Variants in LRRC47 observed in about 807,000 individuals in gnomAD.
LRRC47 encodes the protein leucine-rich repeat-containing protein 47.
A neutral mutation model predicts 40.9 loss-of-function variants in LRRC47; 31 were observed. The ratio of observed to expected loss-of-function variants is 0.76; its 90% CI spans 0.57 to 1.02. The LOEUF (loss-of-function observed/expected upper bound fraction) is 1.02, where lower values mean the gene tolerates loss of function less well. LRRC47 is among the 50% of genes least tolerant of loss of function. The probability of loss-of-function intolerance (pLI) is 0.00; values close to 1 mark genes in which losing one functional copy is unlikely to be tolerated. For synonymous variants in LRRC47, 427 were observed against 371.9 expected (o/e 1.15, Z -1.70); for missense variants, 726 against 796.1 (o/e 0.91, Z 1.06).
At chr1:3,783,816 A>G (rs997268766) in intron 4 of LRRC47, 180 bp downstream of exon 4, 1 of 600,138 alleles carries the variant, frequency 1.7e-6, no homozygotes, top group Non-Finnish European at 3.0e-6. Flanking sequence ...GGCCATCTAG[A>G]TGACAGACTG....
rs1179876514 is a variant in LRRC47 at position 3,782,610 on chromosome 1, TACAGGGA to T, written c.1413+44_1413+50del. ...ACGCCCCGCAGACTTGTGTTAATTCTACAGGGAACAGCCTAGAAGACACACCATGTTC... is the reference window on the plus strand; with the variant it reads ...ACGCCCCGCAGACTTGTGTTAATTCTACAGCCTAGAAGACACACCATGTTC... On this transcript the variant is annotated intron_variant, in intron 5 of 6. Coordinates refer to ENST00000378251, the MANE Select transcript of LRRC47 (RefSeq NM_020710.3). The T allele has an allele frequency of 3.6e-6, 4 of 1,102,464 alleles. No homozygotes were observed. In the African/African-American group the frequency reaches 6.2e-5, roughly 17 times the overall value. The allele number at this position is 1,102,464 out of a possible 1,614,324, so 68.3% of individuals were successfully genotyped here.
intron 1 of LRRC47, among the ~76,000 whole-genome samples, chr1:3,795,261 G>A (rs576053019): frequency 6.6e-6 from 1 of 152,172 alleles, no homozygotes; most frequent in South Asian, 2.1e-4. Context: ...AAGCATTATC[G>A]CGGGGCCTGG....
In LRRC47 at chr1:3,779,471, G is replaced by A. The variant is rs1643498176; in HGVS notation, c.*1617C>T. ...TCGCGGTGGCTGGCCGTGTCCTCAT[G>A]AGCCAAGCACACTGACTCCCGGGAG... On this transcript the variant is annotated 3_prime_UTR_variant, in exon 7 of 7. Coordinates refer to ENST00000378251, the MANE Select transcript of LRRC47 (RefSeq NM_020710.3). 2 of 152,280 alleles carry A rather than the reference G, an allele frequency of 1.3e-5. No homozygotes were observed. Among genetic ancestry groups the A allele is most frequent in the South Asian group, 2.1e-4 (1 of 4,812 alleles). The allele number at this position is 152,280 out of a possible 1,614,324, so 9.4% of individuals were successfully genotyped here.
Position 3,781,495 on chromosome 1 carries a change from A to C in LRRC47, c.1503+17T>G, listed in dbSNP as rs1270225159. ...ACGCTCAAAAGCGTTTCTCAGGAGG[A>C]GCCACCCCACACTCACCAGAATGAG... is the stretch of plus-strand genomic sequence containing the variant. On this transcript the variant is annotated intron_variant, in intron 6 of 6. Coordinates refer to ENST00000378251, the MANE Select transcript of LRRC47 (RefSeq NM_020710.3). 9 of 1,611,068 alleles carry C rather than the reference A, an allele frequency of 5.6e-6. No homozygotes were observed. The South Asian group carries it at 9.9e-5, about 18-fold the overall frequency.
At chr1:3,790,389 T>C (rs763655523) in intron 1 of LRRC47, among the ~76,000 whole-genome samples, 25 of 152,218 alleles carry the variant, frequency 1.6e-4, no homozygotes, top group Non-Finnish European at 2.8e-4. Context: ...GCCCAGGGCC[T>C]GAAAGGATGT....
intron 2 of LRRC47, among the ~76,000 whole-genome samples, chr1:3,786,252 C>A (rs1054912229): frequency 3.3e-5 from 5 of 152,156 alleles, no homozygotes; most frequent in African/African-American, 1.2e-4. Flanking sequence ...AATCCCCACA[C>A]TTTGGGAGGC....
rs1162183722 is a variant in LRRC47 at position 3,796,447 on chromosome 1, C to T, written c.30G>A (p.Trp10Ter). Residue 10 changes from tryptophan (W) to a stop codon, truncating the protein, a stop_gained, in exon 1 of 7, where the codon TGG becomes TGA. Transcript: ENST00000378251. LOFTEE classifies it high-confidence loss of function. MAAAAVSES[W>*]PELELAERER... The stretch of plus-strand genomic sequence containing the variant: ...CGCGCTCAGCCAGCTCCAGCTCCGG[C>T]CAAGACTCTGACACCGCTGCCGCCG... 3 of 1,523,360 alleles carry T rather than the reference C, an allele frequency of 2.0e-6. No individual in the cohort carries two copies. The highest frequency in any genetic ancestry group is 2.6e-6 in the Non-Finnish European group (3 of 1,143,732). The allele number at this position is 1,523,360 out of a possible 1,614,324, so 94.4% of individuals were successfully genotyped here. A position where few individuals can be genotyped will look rare whatever the true frequency, so the allele number is the denominator to read the frequency against.
rs2124610547 is a variant in LRRC47, at chr1:3,785,078, C to T, written c.1194+9G>A. On this transcript the variant is annotated intron_variant, in intron 3 of 6. Coordinates refer to ENST00000378251, the MANE Select transcript of LRRC47 (RefSeq NM_020710.3). ...TCTTCAGCAGACCCTGCAAAGGAGG[C>T]TGCAGCACCTTGAGGTCCTGTGGGG... is the stretch of plus-strand genomic sequence containing the variant. The T allele has an allele frequency of 1.9e-6, 3 of 1,586,490 alleles. No homozygotes were observed. The highest frequency in any genetic ancestry group is 4.7e-5 in the East Asian group (2 of 42,486).
chr1:3,791,145 C>T (rs951074343), intron 1 of LRRC47, among the ~76,000 whole-genome samples: 27 of 152,038 alleles, frequency 1.8e-4, no homozygotes, highest in African/African-American at 6.0e-4. Flanking sequence ...CCTGAGCCCA[C>T]GCCAGCTGAG....
chr1:3,793,766 A>G (rs895502152), intron 1 of LRRC47, among the ~76,000 whole-genome samples: 1 of 152,138 alleles, frequency 6.6e-6, no homozygotes, highest in Non-Finnish European at 1.5e-5. Flanking sequence ...GTGACTCAGT[A>G]AGCAGGACCG....
chr1:3,782,658 T>C lies in LRRC47; in HGVS notation c.1413+3A>G, dbSNP rs1439341854. On this transcript the variant is annotated splice_donor_region_variant and intron_variant, in intron 5 of 6. Transcript: ENST00000378251. Reference sequence around the variant, plus strand: ...CACCATGTTCACACACATGCCACCCTACCTTTGTCTTCTCACTGTTGGTTA... The same window carrying C: ...CACCATGTTCACACACATGCCACCCCACCTTTGTCTTCTCACTGTTGGTTA... 1.9e-6 allele frequency: 3 copies of C among 1,543,292 alleles called. No homozygotes were observed. The highest frequency in any genetic ancestry group is 2.2e-5 in the East Asian group (1 of 44,574).
Position 3,796,191 on chromosome 1 carries a change from C to A in LRRC47, c.286G>T (p.Gly96Trp). The A allele has an allele frequency of 7.0e-7, 1 of 1,436,338 alleles. No individual in the cohort carries two copies. The highest frequency in any genetic ancestry group is 9.1e-7 in the Non-Finnish European group (1 of 1,101,114). 89.0% of individuals were successfully genotyped at this position (1,436,338 alleles called of 1,614,324 possible). A position where few individuals can be genotyped will look rare whatever the true frequency, so the allele number is the denominator to read the frequency against. Residue 96 changes from glycine (G) to tryptophan (W), a missense_variant, in exon 1 of 7, where the codon GGG becomes TGG. Gly to Trp is a radical substitution (Grantham distance 184, BLOSUM62 -2). Transcript: ENST00000378251. ...AGCACCCGAAGGGCAGGCAGCGGCC[C>A]GAGCTCGGGGCTCAGGCCGGGCCCC... ...ALGPGLSPEL[G>W]PLPALRVLDL...
chr1:3,791,639 A>G (rs2124614316), intron 1 of LRRC47, among the ~76,000 whole-genome samples: 1 of 152,272 alleles, frequency 6.6e-6, no homozygotes, highest in Admixed American at 6.5e-5. Flanking sequence ...TATTTTTAGT[A>G]GAGACGGGGT....
intron 1 of LRRC47, among the ~76,000 whole-genome samples, chr1:3,791,585 T>C (rs1017083503): frequency 2.6e-5 from 4 of 152,156 alleles, no homozygotes; most frequent in Admixed American, 2.6e-4. Context: ...GCTTCCCGAG[T>C]AGCTGGGATT....
At chr1:3,794,372 GT>G in intron 1 of LRRC47, among the ~76,000 whole-genome samples, 1 of 151,542 alleles carries the variant, frequency 6.6e-6, no homozygotes, top group Non-Finnish European at 1.5e-5. Flanking sequence ...CAGTGGGTTT[GT>G]TTTTTTTGCC....
chr1:3,787,134 A>G lies in LRRC47; in HGVS notation c.792T>C (p.Gly264=), dbSNP rs41307854. ...ILEYLRVGGR[G]GGKGKGRAEG... is the part of the protein sequence containing the mutation. ...CGGCACGGCCCTTGCCCTTCCCGCCACCACGGCCTCCGACGCGCAGGTACT... is the reference window on the plus strand; with the variant it reads ...CGGCACGGCCCTTGCCCTTCCCGCCGCCACGGCCTCCGACGCGCAGGTACT... The change falls in exon 2 of 7, where the codon GGT becomes GGC. Residue 264 remains glycine (G), a synonymous_variant. Transcript: ENST00000378251. 0.026 allele frequency: 41,727 copies of G among 1,613,318 alleles called. 1,248 individuals carry two copies. Among genetic ancestry groups the G allele is most frequent in the South Asian group, 0.13 (11,896 of 91,040 alleles).
chr1:3,781,324 T>C lies in LRRC47; in HGVS notation c.1516A>G (p.Met506Val). 6.2e-7 allele frequency: 1 copy of C among 1,611,620 alleles called. No individual in the cohort carries two copies. The change falls in exon 7 of 7, where the codon ATG becomes GTG. Residue 506 changes from methionine to valine, a missense_variant. Met to Val is a conservative substitution (Grantham distance 21). Transcript: ENST00000378251. ...MDALILKMAE[M>V]KKYTLENKEE... ...TTATTTTCTAAAGTGTACTTTTTCATTTCTGCCATTTTCTGCAAATAAAAA... is the reference window on the plus strand; with the variant it reads ...TTATTTTCTAAAGTGTACTTTTTCACTTCTGCCATTTTCTGCAAATAAAAA...
chr1:3,784,406 A>G (rs772584767), intron 3 of LRRC47, among the ~76,000 whole-genome samples: 5 of 152,196 alleles, frequency 3.3e-5, no homozygotes, highest in Admixed American at 1.3e-4. Context: ...CAGAAGGCCA[A>G]AAGAGGAGAG....
rs759113226 is a variant in LRRC47, at chr1:3,785,150, G to A, written c.1131C>T (p.Thr377=). ...CEKRTAATLA[T]HELRAVKGPL... is the part of the protein sequence containing the mutation. Reference sequence around the variant, plus strand: ...GCCCTTTGACGGCACGGAGCTCGTGGGTGGCAAGGGTGGCAGCCGTCCTCT... The same window carrying A: ...GCCCTTTGACGGCACGGAGCTCGTGAGTGGCAAGGGTGGCAGCCGTCCTCT... The change falls in exon 3 of 7, where the codon ACC becomes ACT. Residue 377 remains threonine, a synonymous_variant. Transcript: ENST00000378251. 2 of 1,598,542 alleles carry A rather than the reference G, an allele frequency of 1.3e-6. No homozygotes were observed. Among genetic ancestry groups the A allele is most frequent in the South Asian group, 1.1e-5 (1 of 89,540 alleles).
Sources: allele counts gnomAD v4.1 joint callset (sites outside exome capture counted in the v4.1 genomes callset), GRCh38; gene constraint gnomAD v4.1.1; transcripts MANE v1.5; gene names NCBI Gene and HGNC (gene_info 2026-07-23, HGNC 2026-07-21).